The following ADAMTSL1 variants were observed in gnomAD, a reference collection of about 807,000 sequenced individuals.
The protein encoded by ADAMTSL1 is ADAMTS like 1.
In ADAMTSL1, 126 loss-of-function variants were observed where a neutral mutation model predicts 201.8. That is an observed-to-expected ratio of 0.62 (90% CI 0.54 to 0.72). ADAMTSL1 has a LOEUF of 0.72. ADAMTSL1 is among the 30% of genes least tolerant of loss of function. The pLI, the probability that ADAMTSL1 is intolerant of heterozygous loss-of-function variation, is 0.00. For missense variants in ADAMTSL1, 2,679 were observed against 2,277.8 expected (o/e 1.18, Z -3.59); for synonymous variants, 1,121 against 903.4 (o/e 1.24, Z -4.32).
intron 1 of ADAMTSL1, among the ~76,000 whole-genome samples, chr9:18,133,521 G>A (rs1012831614): frequency 3.3e-5 from 5 of 152,090 alleles, no homozygotes; most frequent in African/African-American, 1.2e-4. Flanking sequence ...TTCAGTCCTG[G>A]CTGCACATTT....
chr9:18,457,559 C>A (rs1820653252), intron 2 of ADAMTSL1, among the ~76,000 whole-genome samples: 1 of 152,122 alleles, frequency 6.6e-6, no homozygotes, highest in South Asian at 2.1e-4. Context: ...GTGTTGAACT[C>A]CTGGCTTCAA....
rs1300539022 is a variant in ADAMTSL1, at chr9:18,076,493, A to C, written c.88-87369A>C. Among the ~76,000 whole-genome samples the C allele has an allele frequency of 2.0e-5, 3 of 152,244 alleles. No homozygotes were observed. In the East Asian group the frequency reaches 5.8e-4, roughly 29 times the overall value. ...GAAATGATAAGGGCACAGTGACAAA[A>C]ATAGTGCCTCCATGGGATAATGAGG... On this transcript the variant is annotated intron_variant, in intron 1 of 29. Coordinates refer to the ADAMTSL1 transcript ENST00000680146.
rs1485062470 is a variant in ADAMTSL1 at position 18,843,538 on chromosome 9, T to C, written c.4249+13561T>C. Among the ~76,000 whole-genome samples the C allele has an allele frequency of 8.6e-5, 13 of 150,624 alleles. 1 individual carries two copies. Among genetic ancestry groups the C allele is most frequent in the African/African-American group, 2.8e-4 (11 of 39,984 alleles). On this transcript the variant is annotated intron_variant, in intron 23 of 28. Transcript: ENST00000380548. The stretch of plus-strand genomic sequence containing the variant: ...TTGGAGTTGCTCTTCTCGAGGAGTA[T>C]CTTTGTGGTGTTCTCTGTATTTCCT...
At chr9:18,304,501 A>G (rs1037406559) in intron 2 of ADAMTSL1, among the ~76,000 whole-genome samples, 1 of 152,124 alleles carries the variant, frequency 6.6e-6, no homozygotes, top group East Asian at 1.9e-4. Context: ...TTTGGAATCA[A>G]TAATTAGTGG....
intron 1 of ADAMTSL1, among the ~76,000 whole-genome samples, chr9:18,056,343 C>A (rs1822183308): frequency 6.6e-6 from 1 of 152,070 alleles, no homozygotes; most frequent in Admixed American, 6.5e-5. Flanking sequence ...GGGTTGGATT[C>A]ATTTAGTATG....
chr9:18,448,439 A>T (rs554384352), intron 2 of ADAMTSL1, among the ~76,000 whole-genome samples: 60 of 152,338 alleles, frequency 3.9e-4, no homozygotes, highest in African/African-American at 1.4e-3. Context: ...GGAAAGAATT[A>T]TAAAGGTCAT....
At chr9:18,518,393 C>T (rs569137846) in intron 2 of ADAMTSL1, among the ~76,000 whole-genome samples, 26 of 152,054 alleles carry the variant, frequency 1.7e-4, no homozygotes, top group African/African-American at 6.3e-4. Context: ...TAGGTGAAAA[C>T]CTATGGTATT....
At chr9:18,697,590 T>C (rs1437385295) in intron 13 of ADAMTSL1, among the ~76,000 whole-genome samples, 1 of 152,242 alleles carries the variant, frequency 6.6e-6, no homozygotes, top group Non-Finnish European at 1.5e-5. Context: ...GCATAAAGCA[T>C]GTAAGTGTAA....
chr9:18,696,886 T>TTATTATTAC, intron 13 of ADAMTSL1, among the ~76,000 whole-genome samples: 1 of 149,208 alleles, frequency 6.7e-6, no homozygotes. Flanking sequence ...ATTATTATTA[T>TTATTATTAC]TATTATTATT....
chr9:18,824,581 C>CCCCAAAGG (rs1824415317), intron 21 of ADAMTSL1, among the ~76,000 whole-genome samples: 1 of 152,158 alleles, frequency 6.6e-6, no homozygotes, highest in South Asian at 2.1e-4. Flanking sequence ...ACTGCCCTTG[C>CCCCAAAGG]CCCAAAGGCA....
At chr9:18,887,751 C>A in intron 23 of ADAMTSL1, 80 bp from the exon 24 acceptor site, 2 of 1,299,456 alleles carry the variant, frequency 1.5e-6, no homozygotes, top group Non-Finnish European at 1.1e-6. Flanking sequence ...TTTCTAGAGC[C>A]ACACAGACAG....
At chr9:18,533,336 C>A in intron 3 of ADAMTSL1, 44 bp downstream of exon 3, 2 of 1,556,044 alleles carry the variant, frequency 1.3e-6, no homozygotes, top group Non-Finnish European at 8.8e-7. Context: ...TTTTTGTTAG[C>A]ACTGAATGGT....
intron 23 of ADAMTSL1, among the ~76,000 whole-genome samples, chr9:18,882,527 T>C (rs1466996935): frequency 1.3e-5 from 2 of 152,156 alleles, no homozygotes; most frequent in African/African-American, 4.8e-5. Flanking sequence ...TTGGAGGGTA[T>C]AGGTGCCCGG....
chr9:18,116,451 G>A (rs898938595), intron 1 of ADAMTSL1, among the ~76,000 whole-genome samples: 8 of 152,038 alleles, frequency 5.3e-5, no homozygotes, highest in African/African-American at 1.7e-4. Context: ...CTGACATAAG[G>A]GCTCTTGGTT....
At chr9:18,044,237 T>G (rs1329531576) in intron 1 of ADAMTSL1, among the ~76,000 whole-genome samples, 1 of 151,888 alleles carries the variant, frequency 6.6e-6, no homozygotes, top group Non-Finnish European at 1.5e-5. Context: ...AAAGAGAGAC[T>G]GCAGAGGACT....
intron 1 of ADAMTSL1, among the ~76,000 whole-genome samples, chr9:18,053,660 A>G (rs1488631449): frequency 6.6e-6 from 1 of 152,228 alleles, no homozygotes; most frequent in African/African-American, 2.4e-5. Flanking sequence ...TCGAAAAGCC[A>G]CTATGATCAT....
chr9:18,792,076 CA>C (rs372062110), intron 19 of ADAMTSL1, among the ~76,000 whole-genome samples: 181 of 147,096 alleles, frequency 1.2e-3, no homozygotes, highest in African/African-American at 4.1e-3. Context: ...TAGTTGTATG[CA>C]AAAAAAAAAT....
intron 14 of ADAMTSL1, among the ~76,000 whole-genome samples, chr9:18,710,111 A>G (rs1389591337): frequency 6.6e-6 from 1 of 152,086 alleles, no homozygotes; most frequent in Non-Finnish European, 1.5e-5. Context: ...AAGCCCTTAG[A>G]GTTTTTCCCT....
At chr9:18,059,004 A>C (rs1822325599) in intron 1 of ADAMTSL1, among the ~76,000 whole-genome samples, 1 of 152,218 alleles carries the variant, frequency 6.6e-6, no homozygotes, top group South Asian at 2.1e-4. Flanking sequence ...TTCTCATTTA[A>C]GCCTAAGCAA....
Sources: gnomAD v4.1 joint callset for allele counts (sites outside exome capture counted in the v4.1 genomes callset) on GRCh38, gnomAD v4.1.1 for gene constraint, MANE v1.5 for transcripts, NCBI Gene and HGNC (gene_info 2026-07-23, HGNC 2026-07-21) for gene names.